Variants in NELL1 observed in about 807,000 individuals in gnomAD.
The protein encoded by NELL1 is neural EGFL like 1.
Under a neutral mutation model 107.4 loss-of-function variants are expected in NELL1, and 76 were observed. That is an observed-to-expected ratio of 0.71 (90% confidence interval 0.59 to 0.86). The LOEUF (loss-of-function observed/expected upper bound fraction) is 0.86, where lower values mean the gene tolerates loss of function less well. Among genes scored for constraint, NELL1 ranks in the 40% least tolerant of loss-of-function variants. NELL1 has a pLI of 0.00. For missense variants in NELL1, 1,024 were observed against 1,005.5 expected, an observed-to-expected ratio of 1.02 and a Z score of -0.25; for synonymous variants, 353 against 341.2, an observed-to-expected ratio of 1.03 and a Z score of -0.38.
intron 14 of NELL1, among the ~76,000 whole-genome samples, chr11:21,347,775 A>G (rs1486097697): frequency 6.6e-6 from 1 of 152,154 alleles, no homozygotes; most frequent in East Asian, 1.9e-4. Context: ...CCTTCTTGAA[A>G]GTTTGGAGCT....
intron 15 of NELL1, among the ~76,000 whole-genome samples, chr11:21,393,675 C>T (rs1228670283): frequency 6.6e-6 from 1 of 151,582 alleles, no homozygotes; most frequent in African/African-American, 2.4e-5. Context: ...TTTTCTAGTA[C>T]AGTAGATAGA....
rs578231130 is a variant in NELL1, at chr11:20,872,619, G to A, written c.507-12825G>A. On this transcript the variant is annotated intron_variant, in intron 4 of 19. Coordinates refer to ENST00000357134, the MANE Select transcript of NELL1 (RefSeq NM_006157.5). ...GGTTTCCAAAGTCCTGAAAGAGTCA[G>A]AAAGTCAAAGAATACTAATCCCTGC... Among the ~76,000 whole-genome samples, 9 of 151,944 alleles carry A rather than the reference G, an allele frequency of 5.9e-5. No individual in the cohort carries two copies. The South Asian group carries it at 1.9e-3, about 32-fold the overall frequency.
chr11:20,968,364 G>A (rs1404633574), intron 12 of NELL1, among the ~76,000 whole-genome samples: 1 of 152,058 alleles, frequency 6.6e-6, no homozygotes, highest in Non-Finnish European at 1.5e-5. Context: ...AGAAAGGAAG[G>A]AAGGAAGGAA....
chr11:20,943,723 A>G (rs1317543510), intron 10 of NELL1, among the ~76,000 whole-genome samples: 3 of 152,212 alleles, frequency 2.0e-5, no homozygotes, highest in Non-Finnish European at 4.4e-5. Context: ...GCCAGCTGGG[A>G]TCAGAACCTG....
chr11:20,969,488 A>G (rs1851451148), intron 12 of NELL1, among the ~76,000 whole-genome samples: 1 of 152,134 alleles, frequency 6.6e-6, no homozygotes, highest in Non-Finnish European at 1.5e-5. Context: ...TAGCAAAAGA[A>G]AGTAAAAATT....
intron 4 of NELL1, among the ~76,000 whole-genome samples, chr11:20,874,593 CA>C (rs1341440819): frequency 6.6e-6 from 1 of 152,166 alleles, no homozygotes; most frequent in Non-Finnish European, 1.5e-5. Context: ...GGTGCTAACT[CA>C]AAGGCAGCTC....
intron 12 of NELL1, among the ~76,000 whole-genome samples, chr11:21,054,537 G>T (rs1853570759): frequency 6.6e-6 from 1 of 152,022 alleles, no homozygotes; most frequent in Admixed American, 6.6e-5. Context: ...CCTCAAAAAA[G>T]TGTGTAACCA....
At chr11:21,087,881 T>C (rs1261648161) in intron 12 of NELL1, among the ~76,000 whole-genome samples, 1 of 152,204 alleles carries the variant, frequency 6.6e-6, no homozygotes, top group African/African-American at 2.4e-5. Flanking sequence ...AGTGGCATAA[T>C]TGGGCAGTTG....
chr11:21,435,796 T>TTTG (rs1853099211), intron 15 of NELL1, among the ~76,000 whole-genome samples: 1 of 151,110 alleles, frequency 6.6e-6, no homozygotes, highest in African/African-American at 2.4e-5. Flanking sequence ...GTGTGTGTGT[T>TTTG]TGTGTGTGTG....
intron 15 of NELL1, among the ~76,000 whole-genome samples, chr11:21,463,750 G>A (rs897630076): frequency 9.9e-5 from 15 of 152,036 alleles, no homozygotes; most frequent in East Asian, 1.9e-4. Flanking sequence ...CTAGAATTAC[G>A]TTCACAGCTC....
At chr11:21,032,794 T>C (rs927309384) in intron 12 of NELL1, among the ~76,000 whole-genome samples, 5 of 152,206 alleles carry the variant, frequency 3.3e-5, no homozygotes, top group African/African-American at 1.2e-4. Context: ...GTTATTTATA[T>C]TATTATACTG....
intron 12 of NELL1, among the ~76,000 whole-genome samples, chr11:21,044,103 T>C (rs1853301542): frequency 6.6e-6 from 1 of 152,134 alleles, no homozygotes; most frequent in Non-Finnish European, 1.5e-5. Context: ...GATCAAATCC[T>C]GAGGATGCTT....
At chr11:21,476,396 A>G (rs1033512027) in intron 15 of NELL1, among the ~76,000 whole-genome samples, 2 of 152,186 alleles carry the variant, frequency 1.3e-5, no homozygotes, top group African/African-American at 2.4e-5. Flanking sequence ...CTGTCCTTTC[A>G]TGGACCTCTA....
chr11:21,156,078 A>T (rs1270378564), intron 13 of NELL1, among the ~76,000 whole-genome samples: 1 of 152,142 alleles, frequency 6.6e-6, no homozygotes, highest in Non-Finnish European at 1.5e-5. Flanking sequence ...CAGGATGCTG[A>T]TGGTGTTTAT....
chr11:21,490,814 G>T (rs1048675230), intron 15 of NELL1, among the ~76,000 whole-genome samples: 1 of 151,946 alleles, frequency 6.6e-6, no homozygotes, highest in East Asian at 1.9e-4. Flanking sequence ...ATCAATTAAG[G>T]ACTTAAACAT....
chr11:20,764,425 G>A (rs989882075), intron 2 of NELL1, among the ~76,000 whole-genome samples: 7 of 152,196 alleles, frequency 4.6e-5, no homozygotes, highest in East Asian at 3.9e-4. Flanking sequence ...AACACTGGGA[G>A]CTACACCAAC....
At chr11:21,088,948 A>G (rs1854461783) in intron 12 of NELL1, among the ~76,000 whole-genome samples, 1 of 152,346 alleles carries the variant, frequency 6.6e-6, no homozygotes, top group South Asian at 2.1e-4. Flanking sequence ...GATAGCATCT[A>G]TGTGAATTTT....
chr11:21,555,322 C>T (rs1856680089), intron 16 of NELL1, among the ~76,000 whole-genome samples: 1 of 151,784 alleles, frequency 6.6e-6, no homozygotes, highest in Non-Finnish European at 1.5e-5. Flanking sequence ...ACTTTTTAAG[C>T]AAGGGTGATG....
chr11:20,750,983 CTT>C (rs915904711), intron 2 of NELL1, among the ~76,000 whole-genome samples: 3 of 152,046 alleles, frequency 2.0e-5, no homozygotes, highest in Non-Finnish European at 4.4e-5. Flanking sequence ...GTTGAAAAGA[CTT>C]TTCCTATTTC....
Sources: gnomAD v4.1 joint callset for allele counts (sites outside exome capture counted in the v4.1 genomes callset) on GRCh38, gnomAD v4.1.1 for gene constraint, MANE v1.5 for transcripts, NCBI Gene and HGNC (gene_info 2026-07-23, HGNC 2026-07-21) for gene names.